The following TCIRG1 variants were observed in gnomAD, a reference collection of about 807,000 sequenced individuals.
The protein encoded by TCIRG1 is T cell immune regulator 1, ATPase H+ transporting V0 subunit a3, also known as V-type proton ATPase 116 kDa subunit a 3.
A neutral mutation model predicts 95.5 loss-of-function variants in TCIRG1; 86 were observed. That is an observed-to-expected ratio of 0.90 (90% CI 0.76 to 1.08). The LOEUF (loss-of-function observed/expected upper bound fraction) is 1.08. Among genes scored for constraint, TCIRG1 ranks in the 50% least tolerant of loss-of-function variants. The probability of loss-of-function intolerance (pLI) is 0.00; values close to 1 mark genes in which losing one functional copy is unlikely to be tolerated. For missense variants in TCIRG1, 1,069 were observed against 1,140.2 expected, an observed-to-expected ratio of 0.94 and a Z score of 0.90; for synonymous variants, 499 against 501.3, an observed-to-expected ratio of 1.00 and a Z score of 0.06.
chr11:68,051,550 C>CCAA (rs1264247713), downstream of TCIRG1, among the ~76,000 whole-genome samples: 2 of 152,228 alleles, frequency 1.3e-5, no homozygotes, highest in African/African-American at 2.4e-5. Context: ...TTCCCAGAAG[C>CCAA]CAACAAGCTG....
In TCIRG1 at chr11:68,043,808, C is replaced by T. The variant is rs776731933; in HGVS notation, c.714-6C>T. ...TGGCCCCTCACGCAGCGCATCCTCC[C>T]TCCAGCTTCCACTGCCACGTCTTCC... On this transcript the variant is annotated splice_region_variant and splice_polypyrimidine_tract_variant and intron_variant, in intron 7 of 19. Coordinates refer to ENST00000265686, the MANE Select transcript of TCIRG1 (RefSeq NM_006019.4). 6.4e-7 allele frequency: 1 copy of T among 1,559,750 alleles called. No homozygotes were observed. The highest frequency in any genetic ancestry group is 1.2e-5 in the South Asian group (1 of 84,782).
Position 68,042,756 on chromosome 11 carries a change from C to G in TCIRG1, c.310C>G (p.Leu104Val). The G allele has an allele frequency of 1.3e-6, 2 of 1,547,612 alleles. No individual in the cohort carries two copies. The highest frequency in any genetic ancestry group is 2.2e-4 in the Middle Eastern group (1 of 4,624). Residue 104 changes from leucine to valine, a missense_variant, in exon 4 of 20, where the codon CTG becomes GTG. Coordinates refer to ENST00000265686, the MANE Select transcript of TCIRG1 (RefSeq NM_006019.4). ...LLRIQEETER[L>V]AQELRDVRGN... ...GCGCATCCAGGAGGAGACGGAGCGC[C>G]TGGCCCAGGAGCTGCGGGATGTGCG...
intron 1 of TCIRG1, among the ~76,000 whole-genome samples, chr11:68,040,348 C>T (rs1367553424): frequency 2.0e-5 from 3 of 152,226 alleles, no homozygotes; most frequent in African/African-American, 7.2e-5. Context: ...CTGCCCTGCC[C>T]ACCTGCAGCC....
At position 68,044,979 on chromosome 11, in the gene TCIRG1, G is replaced by T; in HGVS notation, c.1042G>T (p.Val348Leu). 6.2e-7 allele frequency: 1 copy of T among 1,608,492 alleles called. No homozygotes were observed. The highest frequency in any genetic ancestry group is 8.5e-7 in the Non-Finnish European group (1 of 1,179,978). Residue 348 changes from valine (V) to leucine (L), a missense_variant, in exon 10 of 20, where the codon GTG (valine) becomes TTG (leucine). Transcript: ENST00000265686. ...CCAGATGGAGGAGGGAGTGAGTGCC[G>T]TGGCTCACCGCATCCCCTGCCGGGA... ...DSSMEEGVSA[V>L]AHRIPCRDMP...
intron 5 of TCIRG1, 98 bp downstream of exon 5, chr11:68,043,129 C>T (rs1855261793): frequency 6.5e-7 from 1 of 1,543,066 alleles, no homozygotes; most frequent in African/African-American, 1.4e-5. Flanking sequence ...TTGTCCAGTG[C>T]TCTCCCCAGG....
At chr11:68,049,318 G>A (rs767395977) in intron 15 of TCIRG1, 24 bp downstream of exon 15, 56 of 1,594,496 alleles carry the variant, frequency 3.5e-5, no homozygotes, top group Admixed American at 1.2e-4. Context: ...GGTGGGGGCC[G>A]GGCTCACACG....
intron 15 of TCIRG1, 183 bp downstream of exon 15, chr11:68,049,477 C>T: frequency 3.0e-6 from 3 of 1,001,972 alleles, no homozygotes; most frequent in Non-Finnish European, 4.4e-6. Context: ...GCACTGGGAA[C>T]CGGGGGTCCC....
Position 68,049,776 on chromosome 11 carries a change from C to T in TCIRG1, c.2001C>T (p.Pro667=), listed in dbSNP as rs750821386. ...HRHRRRLRRR[P]ADRQEENKAG... is the part of the protein sequence containing the mutation. ...ACCGCCGCCGCCTGCGGAGGAGGCCCGCTGACCGACAGGTGGGACCGGGGC... is the reference window on the plus strand; with the variant it reads ...ACCGCCGCCGCCTGCGGAGGAGGCCTGCTGACCGACAGGTGGGACCGGGGC... The change falls in exon 16 of 20, where the codon CCC becomes CCT. Residue 667 remains proline, a synonymous_variant. Transcript: ENST00000265686. 8.9e-6 allele frequency: 14 copies of T among 1,571,418 alleles called. No homozygotes were observed. The highest frequency in any genetic ancestry group is 5.4e-5 in the African/African-American group (4 of 74,576).
rs1198374593 is a variant in TCIRG1 at position 68,049,118 on chromosome 11, C to T, written c.1711C>T (p.Leu571=). ...GAGGCACCGGCTGCTGCTGGAGACG[C>T]TGCCGGAGCTCACCTTCCTGCTGGG... ...GQRHRLLLET[L]PELTFLLGLF... Residue 571 remains leucine, a synonymous_variant, in exon 15 of 20, where the codon CTG becomes TTG. Transcript: ENST00000265686. 1 of 1,613,766 alleles carries T rather than the reference C, an allele frequency of 6.2e-7. No homozygotes were observed. The highest frequency in any genetic ancestry group is 1.3e-5 in the African/African-American group (1 of 75,080).
At chr11:68,050,111 C>T (rs749023636) in intron 17 of TCIRG1, 26 bp from the exon 18 acceptor site, 4 of 1,611,464 alleles carry the variant, frequency 2.5e-6, no homozygotes, top group African/African-American at 1.3e-5. Flanking sequence ...GAGGCCCTGC[C>T]GGCCCTCACT....
downstream of TCIRG1, chr11:68,053,630 T>C: frequency 4.4e-6 from 1 of 225,218 alleles, no homozygotes; most frequent in Non-Finnish European, 8.9e-6. Context: ...TAAATCAACA[T>C]TAACCAAAGT....
At chr11:68,049,348 G>A (rs1855673398) in intron 15 of TCIRG1, 54 bp downstream of exon 15, 1 of 1,529,646 alleles carries the variant, frequency 6.5e-7, no homozygotes, top group East Asian at 2.3e-5. Flanking sequence ...GGACCCCGCG[G>A]TCACAGGGCC....
chr11:68,051,805 C>CCAA (rs778915731), downstream of TCIRG1, among the ~76,000 whole-genome samples: 25 of 152,320 alleles, frequency 1.6e-4, no homozygotes, highest in Non-Finnish European at 1.8e-4. Flanking sequence ...AATCCAGAAC[C>CCAA]CAACGCCTTA....
rs2134454244 is a variant in TCIRG1, at chr11:68,047,485, T to C, written c.1218T>C (p.Asp406=). 1 of 1,614,066 alleles carries C rather than the reference T, an allele frequency of 6.2e-7. No homozygotes were observed. The highest frequency in any genetic ancestry group is 8.5e-7 in the Non-Finnish European group (1 of 1,180,010). The change falls in exon 11 of 20, where the codon GAT becomes GAC. Residue 406 remains aspartate, a synonymous_variant. Coordinates refer to ENST00000265686, the MANE Select transcript of TCIRG1 (RefSeq NM_006019.4). ...TCCTGTTTGCTGTGATGTTCGGGGATGTGGGCCACGGGCTGCTCATGTTCC... is the reference window on the plus strand; with the variant it reads ...TCCTGTTTGCTGTGATGTTCGGGGACGTGGGCCACGGGCTGCTCATGTTCC... The part of the protein sequence containing the change: ...FPFLFAVMFG[D]VGHGLLMFLF...
rs111424326 is a variant in TCIRG1, at chr11:68,041,331, G to A, written c.60G>A (p.Ala20=). The A allele has an allele frequency of 3.1e-5, 50 of 1,613,138 alleles. No individual in the cohort carries two copies. The highest frequency in any genetic ancestry group is 5.3e-5 in the African/African-American group (4 of 74,944). ...VALVQLFLPT[A]AAYTCVSRLG... ...TGGTCCAGCTCTTTCTGCCCACAGC[G>A]GCTGCCTACACCTGCGTGAGTCGGC... The change falls in exon 2 of 20, where the codon GCG becomes GCA. Residue 20 remains alanine (A), a synonymous_variant. Transcript: ENST00000265686.
At chr11:68,048,372 C>A (rs1446849242) in intron 13 of TCIRG1, 2 of 343,510 alleles carry the variant, frequency 5.8e-6, no homozygotes, top group South Asian at 4.8e-5. Flanking sequence ...TGGCTCACTG[C>A]AACCTCCATC....
rs1023904769 is a variant in TCIRG1 at position 68,049,797 on chromosome 11, G to C, written c.2013+9G>C. On this transcript the variant is annotated intron_variant, in intron 16 of 19. Transcript: ENST00000265686. Reference sequence around the variant, plus strand: ...GGCCCGCTGACCGACAGGTGGGACCGGGGCCTAAGGTGTGGGGGGCTGCTT... The same window carrying C: ...GGCCCGCTGACCGACAGGTGGGACCCGGGCCTAAGGTGTGGGGGGCTGCTT... The C allele has an allele frequency of 1.3e-6, 2 of 1,565,428 alleles. No homozygotes were observed. Among genetic ancestry groups the C allele is most frequent in the Non-Finnish European group, 8.6e-7 (1 of 1,162,620 alleles).
rs540235063 is a variant in TCIRG1 at position 68,044,228 on chromosome 11, G to A, written c.904G>A (p.Val302Met). 1.6e-5 allele frequency: 25 copies of A among 1,588,328 alleles called. No homozygotes were observed. The African/African-American group carries it at 2.0e-4, about 13-fold the overall frequency. ...GGTGCAGGTCCACAAGATGAAGGCC[G>A]TGTACCTGGCCCTGAACCAGTGCAG... The part of the protein sequence containing the change: ...GQVQVHKMKA[V>M]YLALNQCSVS... The change falls in exon 9 of 20, where the codon GTG becomes ATG. Residue 302 changes from valine to methionine, a missense_variant. Physicochemically the swap from Val to Met is conservative, Grantham distance 21 (BLOSUM62 1). Coordinates refer to ENST00000265686, the MANE Select transcript of TCIRG1 (RefSeq NM_006019.4).
chr11:68,049,334 A>G (rs1855671996), intron 15 of TCIRG1, 40 bp downstream of exon 15: 1 of 1,570,344 alleles, frequency 6.4e-7, no homozygotes, highest in Non-Finnish European at 8.6e-7. Context: ...ACACGGCCTC[A>G]TGGGGACCCC....
Sources: allele counts gnomAD v4.1 joint callset (sites outside exome capture counted in the v4.1 genomes callset), GRCh38; gene constraint gnomAD v4.1.1; transcripts MANE v1.5; gene names NCBI Gene and HGNC (gene_info 2026-07-23, HGNC 2026-07-21).